Variants in SORCS3 observed in about 807,000 individuals in gnomAD.
The protein encoded by SORCS3 is VPS10 domain-containing receptor SorCS3.
SORCS3 carries 57 observed loss-of-function variants against 146.3 expected under a neutral mutation model. That is an observed-to-expected ratio of 0.39 (90% CI 0.31 to 0.49). The LOEUF (loss-of-function observed/expected upper bound fraction) is 0.49. Among genes scored for constraint, SORCS3 ranks in the 20% least tolerant of loss-of-function variants. The pLI is 0.92. For synonymous variants in SORCS3, 653 were observed against 618.5 expected (o/e 1.06, Z -0.83); for missense variants, 1,341 against 1,575.5 (o/e 0.85, Z 2.52).
chr10:105,248,713 CAAAAAA>C (rs35611802), intron 22 of SORCS3, among the ~76,000 whole-genome samples: 2 of 110,350 alleles, frequency 1.8e-5, no homozygotes, highest in Non-Finnish European at 3.6e-5. Flanking sequence ...GACTCCATCT[CAAAAAA>C]AAAAAAAAAA....
chr10:104,858,543 G>GT (rs1234377378), intron 2 of SORCS3, among the ~76,000 whole-genome samples: 1 of 151,264 alleles, frequency 6.6e-6, no homozygotes, highest in African/African-American at 2.4e-5. Flanking sequence ...GCATTTTAGA[G>GT]TTTTTTCCTT....
chr10:104,876,468 C>T (rs763478583), intron 2 of SORCS3, among the ~76,000 whole-genome samples: 2 of 152,210 alleles, frequency 1.3e-5, no homozygotes. Context: ...TCTGTTTCCA[C>T]AGGCACAATA....
chr10:105,247,128 C>A, intron 21 of SORCS3, 91 bp from the exon 22 acceptor site: 1 of 573,732 alleles, frequency 1.7e-6, no homozygotes, highest in South Asian at 3.3e-5. Flanking sequence ...GACCTTTTAC[C>A]AAAAGCACAG....
chr10:104,764,723 C>T (rs2017159859), intron 1 of SORCS3, among the ~76,000 whole-genome samples: 1 of 152,092 alleles, frequency 6.6e-6, no homozygotes. Flanking sequence ...TTTCAGAATG[C>T]TTAACTATGG....
intron 1 of SORCS3, among the ~76,000 whole-genome samples, chr10:104,736,156 T>G (rs2016769217): frequency 6.6e-6 from 1 of 152,162 alleles, no homozygotes; most frequent in South Asian, 2.1e-4. Context: ...CTGGACTAAA[T>G]TTGTCATCCT....
At chr10:104,795,960 T>G (rs2017550117) in intron 1 of SORCS3, among the ~76,000 whole-genome samples, 1 of 152,214 alleles carries the variant, frequency 6.6e-6, no homozygotes, top group Non-Finnish European at 1.5e-5. Flanking sequence ...CTGTGAGTCA[T>G]ATGCCCCCTA....
At chr10:105,199,719 C>T (rs796865998) in intron 14 of SORCS3, among the ~76,000 whole-genome samples, 2 of 152,164 alleles carry the variant, frequency 1.3e-5, no homozygotes, top group African/African-American at 4.8e-5. Flanking sequence ...TTTTTCTTTA[C>T]TGGGCTTTTT....
intron 5 of SORCS3, among the ~76,000 whole-genome samples, chr10:105,062,275 G>A (rs865788581): frequency 2.0e-5 from 3 of 152,168 alleles, no homozygotes; most frequent in African/African-American, 7.2e-5. Flanking sequence ...CCAGTGTATG[G>A]GGTTGGCCGC....
intron 7 of SORCS3, among the ~76,000 whole-genome samples, chr10:105,136,287 C>T (rs956334291): frequency 6.6e-6 from 1 of 152,148 alleles, no homozygotes; most frequent in Non-Finnish European, 1.5e-5. Context: ...TGTGTCCTCA[C>T]ATGGCAGAAG....
At chr10:104,937,697 C>T (rs2019274201) in intron 3 of SORCS3, among the ~76,000 whole-genome samples, 1 of 152,206 alleles carries the variant, frequency 6.6e-6, no homozygotes, top group African/African-American at 2.4e-5. Context: ...CCTCATTCCC[C>T]ATGGCTGAGT....
intron 25 of SORCS3, among the ~76,000 whole-genome samples, chr10:105,261,279 T>G (rs1042898475): frequency 7.9e-5 from 12 of 152,316 alleles, no homozygotes; most frequent in Admixed American, 7.8e-4. Flanking sequence ...AGAGACGACA[T>G]GTAAGCCAAG....
intron 1 of SORCS3, among the ~76,000 whole-genome samples, chr10:104,813,641 AC>A (rs2017764063): frequency 6.6e-6 from 1 of 152,012 alleles, no homozygotes; most frequent in African/African-American, 2.4e-5. Flanking sequence ...CCTGTCCCAC[AC>A]CCCTTAGCCT....
chr10:105,035,762 G>A (rs964118060), intron 4 of SORCS3, among the ~76,000 whole-genome samples: 5 of 152,232 alleles, frequency 3.3e-5, no homozygotes, highest in South Asian at 2.1e-4. Flanking sequence ...TACTGCACCC[G>A]GCCATCAAGT....
At chr10:105,182,686 T>G (rs1007550936) in intron 14 of SORCS3, among the ~76,000 whole-genome samples, 4 of 152,014 alleles carry the variant, frequency 2.6e-5, no homozygotes, top group African/African-American at 9.7e-5. Context: ...TGTGTTTTGT[T>G]GTTGTTGTTG....
intron 7 of SORCS3, among the ~76,000 whole-genome samples, chr10:105,117,657 C>G: frequency 6.6e-6 from 1 of 152,190 alleles, no homozygotes; most frequent in Non-Finnish European, 1.5e-5. Context: ...CTGTAAGTCT[C>G]CCATGTTTCA....
intron 2 of SORCS3, among the ~76,000 whole-genome samples, chr10:104,861,901 G>A (rs762678996): frequency 6.6e-6 from 1 of 152,100 alleles, no homozygotes; most frequent in Non-Finnish European, 1.5e-5. Flanking sequence ...GGCAATCTTT[G>A]GTGCACCTTG....
intron 17 of SORCS3, among the ~76,000 whole-genome samples, chr10:105,214,190 G>A (rs1253556352): frequency 2.6e-5 from 4 of 152,098 alleles, no homozygotes; most frequent in Admixed American, 1.3e-4. Flanking sequence ...CCAATCTGTG[G>A]CTCACCAGGT....
chr10:105,127,147 T>A (rs763738301), intron 7 of SORCS3, among the ~76,000 whole-genome samples: 5 of 152,094 alleles, frequency 3.3e-5, no homozygotes, highest in Non-Finnish European at 5.9e-5. Flanking sequence ...GCCAGACCCT[T>A]AATTATTACG....
At chr10:105,056,714 T>A (rs1425999664) in intron 5 of SORCS3, among the ~76,000 whole-genome samples, 1 of 152,202 alleles carries the variant, frequency 6.6e-6, no homozygotes, top group Non-Finnish European at 1.5e-5. Flanking sequence ...TGGTGAAAAA[T>A]TATACAGTTG....
Sources: gnomAD v4.1 joint callset for allele counts (sites outside exome capture counted in the v4.1 genomes callset) on GRCh38, gnomAD v4.1.1 for gene constraint, MANE v1.5 for transcripts, NCBI Gene and HGNC (gene_info 2026-07-23, HGNC 2026-07-21) for gene names.